The following DSCAM variants were observed in gnomAD, a reference collection of about 807,000 sequenced individuals.
DSCAM encodes DS cell adhesion molecule.
Under a neutral mutation model 217.7 loss-of-function variants are expected in DSCAM, and 47 were observed. The observed-to-expected ratio is 0.22, with a 90% confidence interval of 0.17 to 0.28. The LOEUF is 0.28. Among genes scored for constraint, DSCAM ranks in the 10% least tolerant of loss-of-function variants. The pLI is 1.00. For missense variants in DSCAM, 2,080 were observed against 2,618.3 expected (o/e 0.79, Z 4.49); for synonymous variants, 1,056 against 1,015.3 (o/e 1.04, Z -0.76).
intron 3 of DSCAM, among the ~76,000 whole-genome samples, chr21:40,562,497 C>G (rs2076728317): frequency 6.6e-6 from 1 of 152,208 alleles, no homozygotes; most frequent in South Asian, 2.1e-4. Flanking sequence ...CCTAGACACA[C>G]CACTCACTCA....
intron 1 of DSCAM, among the ~76,000 whole-genome samples, chr21:40,716,745 C>G (rs1234881625): frequency 6.6e-6 from 1 of 152,096 alleles, no homozygotes; most frequent in Admixed American, 6.5e-5. Flanking sequence ...TTCACTGATG[C>G]AATAATATTT....
At chr21:40,317,052 ACACAGTT>A (rs1375296101) in intron 8 of DSCAM, among the ~76,000 whole-genome samples, 1 of 152,196 alleles carries the variant, frequency 6.6e-6, no homozygotes, top group Admixed American at 6.5e-5. Context: ...TGATAATGAA[ACACAGTT>A]CATTATCAGC....
chr21:40,334,137 A>G (rs2074404810), intron 8 of DSCAM, among the ~76,000 whole-genome samples: 1 of 152,142 alleles, frequency 6.6e-6, no homozygotes, highest in South Asian at 2.1e-4. Flanking sequence ...TGTAGTGCAC[A>G]AAGTCCCCTG....
chr21:40,414,571 T>A (rs1020410342), intron 3 of DSCAM, among the ~76,000 whole-genome samples: 2 of 152,226 alleles, frequency 1.3e-5, no homozygotes, highest in African/African-American at 4.8e-5. Flanking sequence ...CATTTTGATA[T>A]TGCTTAGTCC....
At chr21:40,649,228 G>A (rs574234961) in intron 3 of DSCAM, among the ~76,000 whole-genome samples, 8 of 152,244 alleles carry the variant, frequency 5.3e-5, no homozygotes, top group Admixed American at 5.2e-4. Context: ...CATTGTCTTG[G>A]TCCCAACCCC....
At chr21:40,236,807 C>T in intron 11 of DSCAM, among the ~76,000 whole-genome samples, 1 of 152,152 alleles carries the variant, frequency 6.6e-6, no homozygotes, top group Non-Finnish European at 1.5e-5. Context: ...ACTCAGATAA[C>T]CGAAACAAAG....
rs771290572 is a variant in DSCAM, at chr21:40,837,199, A to G, written c.43+9420T>C. On this transcript the variant is annotated intron_variant, in intron 1 of 32. Coordinates refer to ENST00000400454, the MANE Select transcript of DSCAM (RefSeq NM_001389.5). ...CTCTTCCTCCATATTCAGTGTTCCCATGAACATTTGCCTCCGCTGCCTCCA... is the reference window on the plus strand; with the variant it reads ...CTCTTCCTCCATATTCAGTGTTCCCGTGAACATTTGCCTCCGCTGCCTCCA... Among the ~76,000 whole-genome samples, 5 of 152,304 alleles carry G rather than the reference A, an allele frequency of 3.3e-5. No homozygotes were observed. The Middle Eastern group carries it at 0.01, about 311-fold the overall frequency.
intron 1 of DSCAM, among the ~76,000 whole-genome samples, chr21:40,808,253 A>G (rs1341046857): frequency 6.6e-6 from 1 of 152,178 alleles, no homozygotes; most frequent in African/African-American, 2.4e-5. Flanking sequence ...TACTCACCAG[A>G]CCACAAGAAG....
chr21:40,409,726 G>T (rs1053144500), intron 3 of DSCAM, among the ~76,000 whole-genome samples: 1 of 152,216 alleles, frequency 6.6e-6, no homozygotes, highest in Non-Finnish European at 1.5e-5. Flanking sequence ...AGAAACCACA[G>T]AATTGTATTA....
Position 40,734,148 on chromosome 21 carries a change from T to C in DSCAM, c.44-25377A>G, listed in dbSNP as rs541492931. Among the ~76,000 whole-genome samples, 58 of 152,256 alleles carry C rather than the reference T, an allele frequency of 3.8e-4. 2 individuals carry two copies. The Middle Eastern group carries it at 0.01, about 27-fold the overall frequency. ...GTGCATTAGATGCGATGTGGGGTCA[T>C]CTAGAAATCGGAGTCACCCCAAGAA... is the stretch of plus-strand genomic sequence containing the variant. On this transcript the variant is annotated intron_variant, in intron 1 of 32. Transcript: ENST00000400454.
intron 1 of DSCAM, among the ~76,000 whole-genome samples, chr21:40,739,526 C>G (rs151265252): frequency 8.5e-5 from 13 of 152,202 alleles, no homozygotes; most frequent in Non-Finnish European, 1.9e-4. Flanking sequence ...ACAGGGCTAT[C>G]CCTCTGTGTG....
At chr21:40,070,707 C>T (rs898163716) in intron 27 of DSCAM, among the ~76,000 whole-genome samples, 1 of 152,156 alleles carries the variant, frequency 6.6e-6, no homozygotes, top group Non-Finnish European at 1.5e-5. Flanking sequence ...TTCAAGTTAC[C>T]TTTTGGTTTT....
At chr21:40,815,441 C>T (rs1228021305) in intron 1 of DSCAM, among the ~76,000 whole-genome samples, 1 of 152,128 alleles carries the variant, frequency 6.6e-6, no homozygotes, top group Non-Finnish European at 1.5e-5. Flanking sequence ...CCCTTTGTCT[C>T]CCAGGATAAA....
At chr21:40,784,699 T>A (rs941716465) in intron 1 of DSCAM, among the ~76,000 whole-genome samples, 1 of 152,174 alleles carries the variant, frequency 6.6e-6, no homozygotes, top group Non-Finnish European at 1.5e-5. Flanking sequence ...AGTACCCTGA[T>A]AGAATTGACT....
At chr21:40,700,703 A>C (rs1028355035) in intron 2 of DSCAM, among the ~76,000 whole-genome samples, 9 of 150,442 alleles carry the variant, frequency 6.0e-5, no homozygotes, top group Non-Finnish European at 8.9e-5. Flanking sequence ...TTCTGGAAGA[A>C]TTTGTTTATA....
intron 3 of DSCAM, among the ~76,000 whole-genome samples, chr21:40,617,404 G>C (rs150658479): frequency 6.6e-6 from 1 of 152,098 alleles, no homozygotes; most frequent in Non-Finnish European, 1.5e-5. Context: ...GATTACAGGC[G>C]TGAGCCACCG....
chr21:40,270,995 C>T (rs988115954), intron 11 of DSCAM, among the ~76,000 whole-genome samples: 6 of 151,150 alleles, frequency 4.0e-5, no homozygotes, highest in African/African-American at 1.4e-4. Flanking sequence ...TCAGGCCCAA[C>T]ATATCTGCCC....
At chr21:40,671,497 A>T (rs1181830241) in intron 3 of DSCAM, among the ~76,000 whole-genome samples, 2 of 148,970 alleles carry the variant, frequency 1.3e-5, no homozygotes, top group African/African-American at 5.2e-5. Context: ...AACATAGTGA[A>T]ACTCCCCCCC....
At chr21:40,186,106 T>A (rs536309050) in intron 14 of DSCAM, among the ~76,000 whole-genome samples, 21 of 152,316 alleles carry the variant, frequency 1.4e-4, no homozygotes, top group Non-Finnish European at 3.1e-4. Flanking sequence ...TTCTCAATCT[T>A]CAAATTCTGT....
Sources: allele counts gnomAD v4.1 joint callset (sites outside exome capture counted in the v4.1 genomes callset), GRCh38; gene constraint gnomAD v4.1.1; transcripts MANE v1.5; gene names NCBI Gene and HGNC (gene_info 2026-07-23, HGNC 2026-07-21).